Variants in ERC1 observed in about 807,000 individuals in gnomAD.
ERC1 encodes the protein RAB6 interacting protein 2.
In ERC1, 56 loss-of-function variants were observed where a neutral mutation model predicts 132.0. That is an observed-to-expected ratio of 0.42 (90% confidence interval 0.34 to 0.53). The LOEUF is 0.53. Ranked by LOEUF, ERC1 falls within the 20% of genes least tolerant of loss-of-function variation. ERC1 has a pLI of 0.03. For missense variants in ERC1, 1,202 were observed against 1,349.9 expected (o/e 0.89, Z 1.72); for synonymous variants, 478 against 476.1 (o/e 1.00, Z -0.05).
At chr12:1,385,912 T>C (rs894903978) in intron 16 of ERC1, 2 of 152,198 alleles carry the variant, frequency 1.3e-5, no homozygotes, top group Admixed American at 1.3e-4. Flanking sequence ...TATCCTCCTT[T>C]TTATTACCAT....
chr12:1,476,213 G>A (rs111532015), intron 18 of ERC1, among the ~76,000 whole-genome samples: 1 of 150,682 alleles, frequency 6.6e-6, no homozygotes, highest in African/African-American at 2.4e-5. Flanking sequence ...CTGAGATCAC[G>A]CCACTACACT....
At chr12:1,110,141 T>C in intron 4 of ERC1, 51 bp from the exon 5 acceptor site, 1 of 1,459,672 alleles carries the variant, frequency 6.9e-7, no homozygotes, top group South Asian at 1.3e-5. Context: ...TTATTCAGCT[T>C]TTCTGGGTTT....
chr12:1,372,698 G>T (rs1211926096), intron 16 of ERC1, among the ~76,000 whole-genome samples: 1 of 152,230 alleles, frequency 6.6e-6, no homozygotes, highest in Non-Finnish European at 1.5e-5. Flanking sequence ...GAGTGCTCCT[G>T]GCTGGGCGCA....
At chr12:1,030,650 G>A (rs1473845782) in intron 2 of ERC1, among the ~76,000 whole-genome samples, 1 of 152,156 alleles carries the variant, frequency 6.6e-6, no homozygotes, top group Non-Finnish European at 1.5e-5. Context: ...GAGCCTGGGA[G>A]GTCGAGGCCA....
chr12:1,178,841 A>G (rs1318629415), intron 8 of ERC1, among the ~76,000 whole-genome samples: 1 of 152,042 alleles, frequency 6.6e-6, no homozygotes, highest in Admixed American at 6.6e-5. Flanking sequence ...TCATTTGTCT[A>G]CCTTACTAGA....
At chr12:1,403,849 T>G (rs1157124228) in intron 16 of ERC1, among the ~76,000 whole-genome samples, 1 of 152,256 alleles carries the variant, frequency 6.6e-6, no homozygotes, top group African/African-American at 2.4e-5. Context: ...AAGTCTACTT[T>G]CACCCACATT....
intron 2 of ERC1, among the ~76,000 whole-genome samples, chr12:1,031,372 G>C (rs1968005243): frequency 6.6e-6 from 1 of 152,018 alleles, no homozygotes; most frequent in Non-Finnish European, 1.5e-5. Context: ...CCTTCTTTTA[G>C]CTAACAACAT....
chr12:1,407,976 C>T (rs1272386263), intron 16 of ERC1, among the ~76,000 whole-genome samples, 173 bp from the exon 17 acceptor site: 2 of 152,030 alleles, frequency 1.3e-5, no homozygotes, highest in Non-Finnish European at 2.9e-5. Context: ...CAATTCAGCC[C>T]GTAGTATTGG....
At chr12:1,411,146 G>A (rs1407324416) in intron 17 of ERC1, among the ~76,000 whole-genome samples, 2 of 152,148 alleles carry the variant, frequency 1.3e-5, no homozygotes, top group East Asian at 3.9e-4. Flanking sequence ...CCAGGACACT[G>A]TCTAGATTCT....
intron 2 of ERC1, among the ~76,000 whole-genome samples, chr12:1,081,693 G>A (rs1038534207): frequency 6.6e-6 from 1 of 152,136 alleles, no homozygotes; most frequent in Non-Finnish European, 1.5e-5. Context: ...GGTAGTTGCC[G>A]GGGGTAGGGG....
chr12:1,396,351 G>C lies in ERC1; in HGVS notation c.2926-11798G>C, dbSNP rs532828297. Among the ~76,000 whole-genome samples, 113 of 152,282 alleles carry C rather than the reference G, an allele frequency of 7.4e-4. 3 individuals are homozygous for C. The South Asian group carries it at 0.023, about 30-fold the overall frequency. ...ATATGTCGTCCTTAATCGTAGGAAA[G>C]GTGGGAGCTACAAACCTATCATTTT... On this transcript the variant is annotated intron_variant, in intron 16 of 18. Coordinates refer to ENST00000360905, the MANE Select transcript of ERC1 (RefSeq NM_178040.4).
At chr12:1,370,883 G>A (rs978069010) in intron 15 of ERC1, among the ~76,000 whole-genome samples, 6 of 151,994 alleles carry the variant, frequency 3.9e-5, no homozygotes, top group East Asian at 3.9e-4. Flanking sequence ...GTGTGCCACC[G>A]CACCCAGCTA....
intron 15 of ERC1, among the ~76,000 whole-genome samples, chr12:1,292,128 A>G (rs966774957): frequency 1.3e-5 from 2 of 152,224 alleles, no homozygotes; most frequent in Non-Finnish European, 1.5e-5. Context: ...ACTGCCCTGC[A>G]TTCAAACTCC....
intron 1 of ERC1, among the ~76,000 whole-genome samples, chr12:992,139 C>T (rs1959604111): frequency 6.6e-6 from 1 of 152,130 alleles, no homozygotes; most frequent in Non-Finnish European, 1.5e-5. Flanking sequence ...TTACGCTTAG[C>T]TCCTTCAAGG....
intron 15 of ERC1, among the ~76,000 whole-genome samples, chr12:1,328,545 C>T (rs539562365): frequency 6.0e-5 from 9 of 149,654 alleles, no homozygotes; most frequent in African/African-American, 1.8e-4. Flanking sequence ...CGAAGCCTGA[C>T]GTTGAAGGTT....
chr12:1,338,664 G>A (rs1190645870), intron 15 of ERC1, among the ~76,000 whole-genome samples: 1 of 152,070 alleles, frequency 6.6e-6, no homozygotes, highest in Non-Finnish European at 1.5e-5. Flanking sequence ...TATCTTTCTG[G>A]GGTAATGTTT....
intron 15 of ERC1, among the ~76,000 whole-genome samples, chr12:1,349,659 C>CT (rs1330037383): frequency 4.8e-5 from 5 of 103,716 alleles, no homozygotes; most frequent in African/African-American, 1.0e-4. Flanking sequence ...GTGAGACCGT[C>CT]TAAAAAAAAA....
intron 18 of ERC1, among the ~76,000 whole-genome samples, chr12:1,447,774 C>T (rs1049445151): frequency 6.6e-6 from 1 of 151,888 alleles, no homozygotes; most frequent in Non-Finnish European, 1.5e-5. Context: ...CTCAGCCTCC[C>T]GAACAGTTGG....
chr12:1,061,435 TAAAA>T (rs35881682), intron 2 of ERC1, among the ~76,000 whole-genome samples: 82 of 141,058 alleles, frequency 5.8e-4, no homozygotes, highest in Admixed American at 2.1e-4. Context: ...GTCTCTACTA[TAAAA>T]AAAAAAAAAA....
Sources: gnomAD v4.1 joint callset for allele counts (sites outside exome capture counted in the v4.1 genomes callset) on GRCh38, gnomAD v4.1.1 for gene constraint, MANE v1.5 for transcripts, NCBI Gene and HGNC (gene_info 2026-07-23, HGNC 2026-07-21) for gene names.